Variants in RFX3 observed in about 807,000 individuals in gnomAD.
RFX3 encodes regulatory factor X3.
Under a neutral mutation model 98.6 loss-of-function variants are expected in RFX3, and 14 were observed. The ratio of observed to expected loss-of-function variants is 0.14; its 90% CI spans 0.09 to 0.22. The LOEUF (loss-of-function observed/expected upper bound fraction) is 0.22. RFX3 is among the 10% of genes least tolerant of loss of function. RFX3 has a pLI of 1.00. For synonymous variants in RFX3, 383 were observed against 328.4 expected (o/e 1.17, Z -1.80); for missense variants, 639 against 926.9 (o/e 0.69, Z 4.03).
At chr9:3,269,887 G>A (rs536182396) in intron 11 of RFX3, among the ~76,000 whole-genome samples, 13 of 152,182 alleles carry the variant, frequency 8.5e-5, no homozygotes, top group East Asian at 7.7e-4. Flanking sequence ...AAAAGCAACC[G>A]TGAAGGAGGT....
intron 4 of RFX3, among the ~76,000 whole-genome samples, chr9:3,321,789 A>G (rs905811971): frequency 6.6e-6 from 1 of 152,098 alleles, no homozygotes; most frequent in African/African-American, 2.4e-5. Flanking sequence ...TTTCTATCCA[A>G]GTGAAATTAA....
At chr9:3,516,166 A>C (rs1190255413) in intron 1 of RFX3, among the ~76,000 whole-genome samples, 1 of 151,804 alleles carries the variant, frequency 6.6e-6, no homozygotes, top group African/African-American at 2.4e-5. Context: ...CTCTCACCTC[A>C]GCCTCCCGAG....
At chr9:3,503,206 G>A (rs569525035) in intron 1 of RFX3, among the ~76,000 whole-genome samples, 4 of 152,120 alleles carry the variant, frequency 2.6e-5, no homozygotes, top group African/African-American at 7.2e-5. Flanking sequence ...ACTCACTTCA[G>A]ACATAAATGC....
chr9:3,272,015 T>C (rs1342158483), intron 9 of RFX3, among the ~76,000 whole-genome samples: 4 of 152,084 alleles, frequency 2.6e-5, no homozygotes, highest in Non-Finnish European at 5.9e-5. Context: ...TAGAACTATT[T>C]CCCAGATGCA....
chr9:3,342,693 C>T (rs1834025059), intron 3 of RFX3, among the ~76,000 whole-genome samples: 1 of 151,866 alleles, frequency 6.6e-6, no homozygotes, highest in Non-Finnish European at 1.5e-5. Flanking sequence ...CTTAGCTACA[C>T]CAAGAAATTT....
At chr9:3,448,674 ACAT>A (rs1188021830) in intron 1 of RFX3, among the ~76,000 whole-genome samples, 1 of 152,134 alleles carries the variant, frequency 6.6e-6, no homozygotes, top group African/African-American at 2.4e-5. Context: ...GCATTCTACC[ACAT>A]CTGGCCAATT....
At chr9:3,427,359 A>G (rs1364289368) in intron 1 of RFX3, among the ~76,000 whole-genome samples, 1 of 140,716 alleles carries the variant, frequency 7.1e-6, no homozygotes, top group Non-Finnish European at 1.5e-5. Flanking sequence ...AATACTATAT[A>G]TAAATATATA....
At chr9:3,358,250 C>T (rs1458000669) in intron 2 of RFX3, among the ~76,000 whole-genome samples, 1 of 152,088 alleles carries the variant, frequency 6.6e-6, no homozygotes. Flanking sequence ...AATTATAATA[C>T]ATCTTGAATA....
chr9:3,330,467 G>A lies in RFX3; in HGVS notation c.266C>T (p.Thr89Ile). 1 of 1,613,944 alleles carries A rather than the reference G, an allele frequency of 6.2e-7. No individual in the cohort carries two copies. ...TTGAGTATCAAAGTAATTCCCTCCAGTATTTTGGCTGTACATCTGTGTCTC... is the reference window on the plus strand; with the variant it reads ...TTGAGTATCAAAGTAATTCCCTCCAATATTTTGGCTGTACATCTGTGTCTC... ...YTETQMYSQNTGGNYFDTQGS... is the reference protein window; with the variant it reads ...YTETQMYSQNIGGNYFDTQGS... The change falls in exon 4 of 17, where the codon ACT (threonine) becomes ATT (isoleucine). Residue 89 changes from threonine to isoleucine, a missense_variant. This residue lies in a region of RFX3 where 210 missense variants were observed against 197.7 expected (regional missense o/e 1.06). Coordinates refer to ENST00000617270, the MANE Select transcript of RFX3 (RefSeq NM_001282116.2).
chr9:3,240,744 G>A (rs929741339), intron 15 of RFX3, among the ~76,000 whole-genome samples: 1 of 152,128 alleles, frequency 6.6e-6, no homozygotes, highest in Non-Finnish European at 1.5e-5. Context: ...TTATTTATCA[G>A]GGGGGCCAGC....
At chr9:3,371,239 G>A (rs753846241) in intron 2 of RFX3, among the ~76,000 whole-genome samples, 3 of 152,076 alleles carry the variant, frequency 2.0e-5, no homozygotes, top group Non-Finnish European at 4.4e-5. Flanking sequence ...GCTAGCAATA[G>A]CCCTTTTTTA....
chr9:3,280,954 C>T (rs544057402), intron 7 of RFX3, among the ~76,000 whole-genome samples: 1 of 151,688 alleles, frequency 6.6e-6, no homozygotes, highest in African/African-American at 2.4e-5. Flanking sequence ...TCTCAATAAA[C>T]TATATTTGGA....
At chr9:3,366,710 CTTTCTTTCT>C (rs763269591) in intron 2 of RFX3, among the ~76,000 whole-genome samples, 5 of 91,940 alleles carry the variant, frequency 5.4e-5, no homozygotes, top group Admixed American at 1.2e-4. Flanking sequence ...TTCTTTCTTT[CTTTCTTTCT>C]TTCTTTCTTT....
chr9:3,346,849 C>T (rs77016743), intron 2 of RFX3, 85 bp from the exon 3 acceptor site: 21,988 of 800,692 alleles, frequency 0.027, 1,599 homozygotes, highest in African/African-American at 0.23. Context: ...AAGGTTTATC[C>T]GGTATTATTG....
intron 12 of RFX3, 56 bp from the exon 13 acceptor site, chr9:3,263,140 T>C (rs550575638): frequency 2.5e-6 from 4 of 1,568,796 alleles, no homozygotes; most frequent in Non-Finnish European, 3.5e-6. Context: ...AAGAAACCAC[T>C]GCAATTTTCA....
intron 7 of RFX3, among the ~76,000 whole-genome samples, chr9:3,279,377 T>A (rs1478979037): frequency 2.0e-5 from 3 of 151,838 alleles, no homozygotes; most frequent in African/African-American, 7.2e-5. Context: ...TTCACAGAGC[T>A]TGAATAAAAG....
In RFX3 at chr9:3,382,830, A is replaced by G. The variant is rs760605361; in HGVS notation, c.117+12642T>C. Among the ~76,000 whole-genome samples, 7 of 152,224 alleles carry G rather than the reference A, an allele frequency of 4.6e-5. No individual in the cohort carries two copies. The East Asian group carries it at 1.2e-3, about 25-fold the overall frequency. ...AACCTCAAAATTTATTTTTCGCTAT[A>G]TATTTCTCTAGGTGACTATAAAGTG... On this transcript the variant is annotated intron_variant, in intron 2 of 16. Coordinates refer to ENST00000617270, the MANE Select transcript of RFX3 (RefSeq NM_001282116.2).
chr9:3,342,333 G>T (rs1051702508), intron 3 of RFX3, among the ~76,000 whole-genome samples: 1 of 152,156 alleles, frequency 6.6e-6, no homozygotes, highest in African/African-American at 2.4e-5. Context: ...TTCACTGCTT[G>T]TGTAACCACA....
chr9:3,436,650 A>C (rs1195498416), intron 1 of RFX3, among the ~76,000 whole-genome samples: 2 of 152,110 alleles, frequency 1.3e-5, no homozygotes, highest in African/African-American at 4.8e-5. Flanking sequence ...TTTAAAAGTA[A>C]AAAGTTAACA....
Sources: gnomAD v4.1 joint callset for allele counts (sites outside exome capture counted in the v4.1 genomes callset) on GRCh38, gnomAD v4.1.1 for gene constraint, gnomAD v4.1.1 regional missense constraint, MANE v1.5 for transcripts, NCBI Gene and HGNC (gene_info 2026-07-23, HGNC 2026-07-21) for gene names.